Variants in RGS6 observed in about 807,000 individuals in gnomAD.
The protein encoded by RGS6 is regulator of G protein signaling 6.
In RGS6, 30 loss-of-function variants were observed where a neutral mutation model predicts 78.5. That is an observed-to-expected ratio of 0.38 (90% CI 0.29 to 0.52). RGS6 has a LOEUF of 0.52. Ranked by LOEUF, RGS6 falls within the 20% of genes least tolerant of loss-of-function variation. RGS6 has a pLI of 0.85. For missense variants in RGS6, 495 were observed against 609.7 expected, an observed-to-expected ratio of 0.81 and a Z score of 1.98; for synonymous variants, 206 against 206.0, an observed-to-expected ratio of 1.00 and a Z score of 0.00.
At chr14:72,256,895 T>C (rs2057197112) in intron 2 of RGS6, among the ~76,000 whole-genome samples, 1 of 152,194 alleles carries the variant, frequency 6.6e-6, no homozygotes, top group African/African-American at 2.4e-5. Flanking sequence ...CAGACAGCTG[T>C]CAACTTAGTG....
chr14:71,972,501 ACT>A lies in RGS6; in HGVS notation c.84+7629_84+7630del, dbSNP rs1348821436. On this transcript the variant is annotated intron_variant, in intron 2 of 17. Transcript: ENST00000553525. ...CCACAAGCAAAGGGAAGCGATTGAGACTCTGCGTTTCTTGATAAGGGAATTCT... is the reference window on the plus strand; with the variant it reads ...CCACAAGCAAAGGGAAGCGATTGAGACTGCGTTTCTTGATAAGGGAATTCT... Among the ~76,000 whole-genome samples, 12 of 152,214 alleles carry A rather than the reference ACT, an allele frequency of 7.9e-5. No individual in the cohort carries two copies. The South Asian group carries it at 1.7e-3, about 21-fold the overall frequency.
At chr14:72,072,820 A>G (rs1236324358) in intron 2 of RGS6, among the ~76,000 whole-genome samples, 1 of 152,218 alleles carries the variant, frequency 6.6e-6, no homozygotes, top group Non-Finnish European at 1.5e-5. Context: ...CATCACATTA[A>G]AGTCAAAGGT....
intron 2 of RGS6, among the ~76,000 whole-genome samples, chr14:72,306,452 G>T (rs2067263050): frequency 6.6e-6 from 1 of 152,162 alleles, no homozygotes; most frequent in Non-Finnish European, 1.5e-5. Flanking sequence ...AGCTCCCATA[G>T]ATAAGGATTC....
rs557419345 is a variant in RGS6, at chr14:72,436,181, A to T, written c.185-18347A>T. 3.3e-3 allele frequency among the ~76,000 whole-genome samples: 508 copies of T among 152,312 alleles called. 4 individuals carry two copies. Among genetic ancestry groups the T allele is most frequent in the African/African-American group, 0.012 (486 of 41,556 alleles). On this transcript the variant is annotated intron_variant, in intron 3 of 17. Transcript: ENST00000553525. ...ACTAGGATGGTAGAAGAGAAACATTAAGATATAAATTCCTGATGATGCCAT... is the reference window on the plus strand; with the variant it reads ...ACTAGGATGGTAGAAGAGAAACATTTAGATATAAATTCCTGATGATGCCAT...
chr14:72,597,253 A>G, the RGS6 span, among the ~76,000 whole-genome samples: 104 of 150,996 alleles, frequency 6.9e-4, no homozygotes, highest in Non-Finnish European at 1.0e-3. Context: ...AAAAAGAAAG[A>G]GAGAGATAGT....
At chr14:71,909,946 G>T in the RGS6 span, among the ~76,000 whole-genome samples, 1 of 152,100 alleles carries the variant, frequency 6.6e-6, no homozygotes, top group Non-Finnish European at 1.5e-5. Context: ...CTCCCACTTT[G>T]GGAGGCCGAG....
chr14:72,112,459 T>C (rs536006078), intron 2 of RGS6, among the ~76,000 whole-genome samples: 62 of 152,314 alleles, frequency 4.1e-4, no homozygotes, highest in Non-Finnish European at 7.9e-4. Context: ...CTAAGCCTCA[T>C]TCATCAGTCT....
chr14:72,519,317 C>T (rs1257466902), intron 15 of RGS6, among the ~76,000 whole-genome samples: 1 of 152,128 alleles, frequency 6.6e-6, no homozygotes, highest in Non-Finnish European at 1.5e-5. Context: ...ACTTCCTGGC[C>T]CCTAATTTCT....
intron 2 of RGS6, among the ~76,000 whole-genome samples, chr14:72,301,026 A>T (rs1453387860): frequency 1.3e-5 from 2 of 152,194 alleles, no homozygotes; most frequent in African/African-American, 4.8e-5. Context: ...TTACTTGTGG[A>T]ATCTCTTGAT....
intron 2 of RGS6, among the ~76,000 whole-genome samples, chr14:72,139,650 A>G (rs376321453): frequency 1.3e-5 from 2 of 152,340 alleles, no homozygotes; most frequent in East Asian, 3.9e-4. Flanking sequence ...GCTAAGCACC[A>G]AAGGTTTATT....
chr14:72,501,870 C>T (rs1291080472), intron 13 of RGS6, among the ~76,000 whole-genome samples: 1 of 152,212 alleles, frequency 6.6e-6, no homozygotes, highest in Non-Finnish European at 1.5e-5. Flanking sequence ...TCCCAGCCAA[C>T]CTGACCTGCT....
intron 2 of RGS6, among the ~76,000 whole-genome samples, chr14:72,246,905 C>A (rs1434318149): frequency 6.9e-6 from 1 of 145,314 alleles, no homozygotes. Context: ...GACTCCATCT[C>A]AAAAAAAAAA....
At chr14:72,282,693 T>G (rs1266141154) in intron 2 of RGS6, among the ~76,000 whole-genome samples, 1 of 152,226 alleles carries the variant, frequency 6.6e-6, no homozygotes, top group Non-Finnish European at 1.5e-5. Context: ...TGTGAAACTA[T>G]CATCACAATC....
intron 16 of RGS6, chr14:72,537,606 G>A: frequency 2.8e-6 from 2 of 701,846 alleles, no homozygotes; most frequent in South Asian, 3.0e-5. Context: ...CTTTGGAGGA[G>A]GCCGACACCC....
At chr14:72,520,746 A>G (rs1019773121) in intron 15 of RGS6, among the ~76,000 whole-genome samples, 4 of 152,194 alleles carry the variant, frequency 2.6e-5, no homozygotes, top group South Asian at 2.1e-4. Context: ...TGGTTTTACT[A>G]TCTTTGTAAA....
intron 4 of RGS6, among the ~76,000 whole-genome samples, chr14:72,455,266 G>A (rs551041205): frequency 1.1e-4 from 16 of 152,272 alleles, no homozygotes; most frequent in Non-Finnish European, 1.8e-4. Flanking sequence ...GATTAACTGA[G>A]TATTCTTGAT....
chr14:72,223,313 T>A (rs2047325272), intron 2 of RGS6, among the ~76,000 whole-genome samples: 1 of 152,234 alleles, frequency 6.6e-6, no homozygotes, highest in African/African-American at 2.4e-5. Context: ...ATTCTTGTAA[T>A]GATTTAAAAC....
chr14:72,323,800 CAAAAAAAAAAAAAAAAAAAAAAA>C (rs58303649), intron 2 of RGS6, among the ~76,000 whole-genome samples: 17 of 16,820 alleles, frequency 1.0e-3, no homozygotes, highest in Admixed American at 3.5e-3. Flanking sequence ...GACTCCATCT[CAAAAAAAAAAAAAAAAAAAAAAA>C]AAAAAAAAAA....
the RGS6 span, among the ~76,000 whole-genome samples, chr14:71,867,617 G>C: frequency 6.6e-6 from 1 of 152,178 alleles, no homozygotes; most frequent in African/African-American, 2.4e-5. Flanking sequence ...GAATGTCTTC[G>C]AGAGGGGTAG....
Sources: gnomAD v4.1 joint callset for allele counts (sites outside exome capture counted in the v4.1 genomes callset) on GRCh38, gnomAD v4.1.1 for gene constraint, MANE v1.5 for transcripts, NCBI Gene and HGNC (gene_info 2026-07-23, HGNC 2026-07-21) for gene names.